ADAMTS20: variants seen among roughly 807,000 people sequenced by gnomAD.
The protein encoded by ADAMTS20 is A disintegrin and metalloproteinase with thrombospondin motifs 20.
In ADAMTS20, 225 loss-of-function variants were observed where a neutral mutation model predicts 260.1. The observed-to-expected ratio is 0.87, with a 90% CI of 0.78 to 0.97. ADAMTS20 has a LOEUF of 0.97. Among genes scored for constraint, ADAMTS20 ranks in the 50% least tolerant of loss-of-function variants. The pLI is 0.00. For synonymous variants in ADAMTS20, 802 were observed against 769.5 expected (o/e 1.04, Z -0.70); for missense variants, 2,400 against 2,337.7 (o/e 1.03, Z -0.55).
Position 43,428,659 on chromosome 12 carries a change from C to T in ADAMTS20, c.3630G>A (p.Glu1210=). The T allele has an allele frequency of 1.3e-6, 2 of 1,595,658 alleles. No homozygotes were observed. The highest frequency in any genetic ancestry group is 1.7e-6 in the Non-Finnish European group (2 of 1,169,898). The change falls in exon 25 of 39, where the codon GAG becomes GAA. Residue 1210 remains glutamate (E), a synonymous_variant. Coordinates refer to ENST00000389420, the MANE Select transcript of ADAMTS20 (RefSeq NM_025003.5). ...EIWDCFTPCG[E]WQAGDWSPCS... ...CGGGTGACCAATCCCCTGCTTGCCACTCTCCACAAGGGGTAAAACAGTCCC... is the reference window on the plus strand; with the variant it reads ...CGGGTGACCAATCCCCTGCTTGCCATTCTCCACAAGGGGTAAAACAGTCCC...
At position 43,492,541 on chromosome 12, in the gene ADAMTS20, T is replaced by C. The variant is rs754938173; in HGVS notation, c.1040A>G (p.His347Arg). The change falls in exon 6 of 39, where the codon CAC (histidine) becomes CGC (arginine). Residue 347 changes from histidine to arginine, a missense_variant. His to Arg is a conservative substitution (Grantham distance 29). Transcript: ENST00000389420. Reference protein sequence around the residue: ...QQTQNDLDDVHPSHHDTAVLI... With the variant: ...QQTQNDLDDVRPSHHDTAVLI... ...AACAGCAGTGTCATGGTGGGAAGGGTGAACATCATCAAGGTCATTCTGAGT... is the reference window on the plus strand; with the variant it reads ...AACAGCAGTGTCATGGTGGGAAGGGCGAACATCATCAAGGTCATTCTGAGT... The C allele has an allele frequency of 3.2e-4, 516 of 1,613,796 alleles. No individual in the cohort carries two copies. The highest frequency in any genetic ancestry group is 3.1e-4 in the Non-Finnish European group (371 of 1,179,816).
chr12:43,461,391 A>C (rs1337277468), intron 11 of ADAMTS20, among the ~76,000 whole-genome samples: 1 of 152,100 alleles, frequency 6.6e-6, no homozygotes, highest in Non-Finnish European at 1.5e-5. Context: ...TTGTATACCT[A>C]AGATCTATGC....
At chr12:43,374,309 T>A (rs1341695488) in intron 36 of ADAMTS20, among the ~76,000 whole-genome samples, 1 of 152,002 alleles carries the variant, frequency 6.6e-6, no homozygotes, top group African/African-American at 2.4e-5. Flanking sequence ...ACTGTCTTAA[T>A]TTTTTTTATT....
At chr12:43,394,996 C>T (rs1443578923) in intron 29 of ADAMTS20, among the ~76,000 whole-genome samples, 1 of 152,078 alleles carries the variant, frequency 6.6e-6, no homozygotes, top group Admixed American at 6.6e-5. Flanking sequence ...GAGATTCAAC[C>T]ATTTATGCCT....
At position 43,356,557 on chromosome 12, in the gene ADAMTS20, C is replaced by T; in HGVS notation, c.5570G>A (p.Gly1857Glu). 6.2e-7 allele frequency: 1 copy of T among 1,611,838 alleles called. No individual in the cohort carries two copies. The highest frequency in any genetic ancestry group is 8.5e-7 in the Non-Finnish European group (1 of 1,178,908). Residue 1857 changes from glycine (G) to glutamate (E), a missense_variant, in exon 38 of 39, where the codon GGG (glycine) becomes GAG (glutamate). Transcript: ENST00000389420. ...GQFSINLSGT[G>E]MKISSTAKWL... ...CTTTGCTGTGCTGGATATCTTCATC[C>T]CAGTTCCTGACAAATTAATGCTAAA... is the stretch of plus-strand genomic sequence containing the variant.
chr12:43,415,458 C>A (rs1941112802), intron 28 of ADAMTS20, among the ~76,000 whole-genome samples: 2 of 152,040 alleles, frequency 1.3e-5, no homozygotes, highest in Admixed American at 1.3e-4. Flanking sequence ...TATTATTAGC[C>A]TTTTCTACTA....
At chr12:43,476,715 AATC>A (rs1441118107) in intron 7 of ADAMTS20, among the ~76,000 whole-genome samples, 2 of 124,828 alleles carry the variant, frequency 1.6e-5, no homozygotes, top group Non-Finnish European at 3.3e-5. Flanking sequence ...TGAAATTGGA[AATC>A]ATCATTCTCA....
chr12:43,378,687 A>G (rs1163868215), intron 31 of ADAMTS20, among the ~76,000 whole-genome samples: 1 of 152,236 alleles, frequency 6.6e-6, no homozygotes, highest in Admixed American at 6.5e-5. Flanking sequence ...GACATGCAAC[A>G]GAAAATTAAT....
intron 10 of ADAMTS20, among the ~76,000 whole-genome samples, chr12:43,464,251 C>T (rs1268949223): frequency 6.6e-6 from 1 of 151,994 alleles, no homozygotes; most frequent in Admixed American, 6.6e-5. Context: ...ATTCAACACA[C>T]CTATATTTTC....
chr12:43,380,199 T>C (rs1189993447), intron 31 of ADAMTS20, among the ~76,000 whole-genome samples: 5 of 152,168 alleles, frequency 3.3e-5, no homozygotes, highest in Non-Finnish European at 7.4e-5. Context: ...AATATGATAA[T>C]TTCAGTAGAT....
chr12:43,493,338 T>C, intron 4 of ADAMTS20, 85 bp from the exon 5 acceptor site: 1 of 952,740 alleles, frequency 1.0e-6, no homozygotes, highest in Non-Finnish European at 1.6e-6. Context: ...AGAGTATCAA[T>C]TCTCTAATTG....
At chr12:43,395,769 G>A (rs531022373) in intron 29 of ADAMTS20, among the ~76,000 whole-genome samples, 2 of 148,876 alleles carry the variant, frequency 1.3e-5, no homozygotes, top group African/African-American at 4.9e-5. Context: ...TCTTAGGAAG[G>A]TCCAAAGAAA....
rs574252656 is a variant in ADAMTS20 at position 43,391,753 on chromosome 12, C to T, written c.4452+7313G>A. Among the ~76,000 whole-genome samples, 114 of 152,080 alleles carry T rather than the reference C, an allele frequency of 7.5e-4. 1 individual carries two copies. The highest frequency in any genetic ancestry group is 2.7e-3 in the African/African-American group (112 of 41,484). ...AGAGTAACTAATTTCCTTTTCACAACAGTAAATATATATCTGCAAAATACA... is the reference window on the plus strand; with the variant it reads ...AGAGTAACTAATTTCCTTTTCACAATAGTAAATATATATCTGCAAAATACA... On this transcript the variant is annotated intron_variant, in intron 29 of 38. Transcript: ENST00000389420.
At position 43,427,531 on chromosome 12, in the gene ADAMTS20, G is replaced by A. The variant is rs529726023; in HGVS notation, c.3946-62C>T. 5.1e-5 allele frequency: 71 copies of A among 1,389,992 alleles called. 1 individual carries two copies. In the South Asian group the frequency reaches 9.9e-4, roughly 19 times the overall value. The allele number at this position is 1,389,992 out of a possible 1,614,324, so 86.1% of individuals were successfully genotyped here. On this transcript the variant is annotated intron_variant, in intron 26 of 38. Coordinates refer to ENST00000389420, the MANE Select transcript of ADAMTS20 (RefSeq NM_025003.5). ...GGATTCCACATAATGAATTTACATG[G>A]TAAAAAAAAAAAATCAGCATTGACT...
At chr12:43,422,378 A>G (rs955109984) in intron 28 of ADAMTS20, among the ~76,000 whole-genome samples, 2 of 152,042 alleles carry the variant, frequency 1.3e-5, no homozygotes, top group African/African-American at 4.8e-5. Context: ...ATGAAAGAAT[A>G]TTAATCTAAT....
chr12:43,400,704 T>A (rs1408733446), intron 28 of ADAMTS20, among the ~76,000 whole-genome samples: 7 of 151,904 alleles, frequency 4.6e-5, no homozygotes, highest in Non-Finnish European at 2.9e-5. Context: ...GTATAACCTA[T>A]TCTATACTAA....
Position 43,534,866 on chromosome 12 carries a change from C to T in ADAMTS20, c.454-2671G>A, listed in dbSNP as rs567691470. On this transcript the variant is annotated intron_variant, in intron 2 of 38. Transcript: ENST00000389420. Reference sequence around the variant, plus strand: ...ACAGTGCCGATAGAAGTGGGTGAAACTGGGTGCATGTAGGATGGACTAGGT... The same window carrying T: ...ACAGTGCCGATAGAAGTGGGTGAAATTGGGTGCATGTAGGATGGACTAGGT... Among the ~76,000 whole-genome samples, 10 of 152,244 alleles carry T rather than the reference C, an allele frequency of 6.6e-5. No individual in the cohort carries two copies. In the South Asian group the frequency reaches 2.1e-3, roughly 32 times the overall value.
chr12:43,356,869 T>C (rs1939757678), intron 37 of ADAMTS20, among the ~76,000 whole-genome samples: 1 of 152,218 alleles, frequency 6.6e-6, no homozygotes, highest in South Asian at 2.1e-4. Flanking sequence ...TGCTAACTTC[T>C]ATGCTGTTTC....
intron 3 of ADAMTS20, among the ~76,000 whole-genome samples, chr12:43,514,130 GC>G (rs1942964014): frequency 6.8e-6 from 1 of 146,290 alleles, no homozygotes; most frequent in Non-Finnish European, 1.5e-5. Flanking sequence ...CATTTGTGTA[GC>G]CCTCTGCATT....
Sources: gnomAD v4.1 joint callset for allele counts (sites outside exome capture counted in the v4.1 genomes callset) on GRCh38, gnomAD v4.1.1 for gene constraint, MANE v1.5 for transcripts, NCBI Gene and HGNC (gene_info 2026-07-23, HGNC 2026-07-21) for gene names.